The following USP25 variants were observed in gnomAD, a reference collection of about 807,000 sequenced individuals.
The protein encoded by USP25 is ubiquitin specific peptidase 25.
USP25 carries 85 observed loss-of-function variants against 158.5 expected under a neutral mutation model. The ratio of observed to expected loss-of-function variants is 0.54; its 90% CI spans 0.45 to 0.64. The LOEUF (loss-of-function observed/expected upper bound fraction) is 0.64, where lower values mean the gene tolerates loss of function less well. USP25 is among the 30% of genes least tolerant of loss of function. The probability of loss-of-function intolerance (pLI) is 0.00; values close to 1 mark genes in which losing one functional copy is unlikely to be tolerated. For missense variants in USP25, 1,242 were observed against 1,327.3 expected (o/e 0.94, Z 1.00); for synonymous variants, 464 against 460.4 (o/e 1.01, Z -0.10).
chr21:15,870,599 ATTATT>A (rs925792286), intron 23 of USP25, among the ~76,000 whole-genome samples: 1 of 152,152 alleles, frequency 6.6e-6, no homozygotes, highest in African/African-American at 2.4e-5. Flanking sequence ...TAATTATACT[ATTATT>A]TTAATTGTTA....
At chr21:15,845,665 A>G (rs2038549581) in intron 18 of USP25, among the ~76,000 whole-genome samples, 1 of 152,136 alleles carries the variant, frequency 6.6e-6, no homozygotes, top group South Asian at 2.1e-4. Flanking sequence ...CATTTGCTTC[A>G]AATTTATATT....
In USP25 at chr21:15,760,578, G is replaced by A. The variant is rs183660303; in HGVS notation, c.46-2313G>A. ...ATCTCTTAAACCTTTCATGTAATTT[G>A]TTTAGGACTTTTTAGACTTCTGAAA... On this transcript the variant is annotated intron_variant, in intron 1 of 25. Transcript: ENST00000400183. Among the ~76,000 whole-genome samples the A allele has an allele frequency of 4.6e-5, 7 of 152,250 alleles. No individual in the cohort carries two copies. In the East Asian group the frequency reaches 7.7e-4, roughly 17 times the overall value.
At chr21:15,805,962 A>G (rs2036367139) in intron 7 of USP25, among the ~76,000 whole-genome samples, 1 of 152,176 alleles carries the variant, frequency 6.6e-6, no homozygotes. Context: ...ATGTATGGAG[A>G]GGGCGTTTGG....
chr21:15,783,290 T>C (rs1013622364), intron 4 of USP25, among the ~76,000 whole-genome samples: 8 of 152,214 alleles, frequency 5.3e-5, no homozygotes, highest in Non-Finnish European at 1.0e-4. Context: ...ATTCATATTA[T>C]GGGAGTGCCA....
chr21:15,806,253 G>A (rs1166595928), intron 7 of USP25, among the ~76,000 whole-genome samples: 1 of 151,776 alleles, frequency 6.6e-6, no homozygotes, highest in African/African-American at 2.4e-5. Flanking sequence ...ATCATTTTCG[G>A]GCATTCAGCA....
intron 1 of USP25, among the ~76,000 whole-genome samples, chr21:15,731,621 A>T (rs888388363): frequency 2.6e-5 from 4 of 152,248 alleles, no homozygotes; most frequent in Non-Finnish European, 5.9e-5. Context: ...GAAAGCAAGG[A>T]TAGTGCATTG....
intron 20 of USP25, among the ~76,000 whole-genome samples, chr21:15,856,673 G>A (rs942209346): frequency 2.0e-5 from 3 of 151,940 alleles, no homozygotes; most frequent in African/African-American, 4.8e-5. Context: ...GGGTTTCACC[G>A]TGTTAGCCAG....
intron 10 of USP25, among the ~76,000 whole-genome samples, chr21:15,821,405 C>T (rs1411384803): frequency 6.6e-6 from 1 of 151,866 alleles, no homozygotes; most frequent in East Asian, 1.9e-4. Context: ...AATACCCTTG[C>T]GCACTTAGGA....
chr21:15,763,015 T>A (rs2033824282), intron 2 of USP25, 47 bp downstream of exon 2: 1 of 1,520,464 alleles, frequency 6.6e-7, no homozygotes, highest in Admixed American at 2.0e-5. Context: ...TATGCTCATC[T>A]CTAGTGCGTA....
chr21:15,816,910 T>A lies in USP25; in HGVS notation c.932-1788T>A, dbSNP rs913708202. On this transcript the variant is annotated intron_variant, in intron 9 of 25. Transcript: ENST00000400183. The surrounding 1 kb of genome is among the most constrained non-coding windows in gnomAD (Gnocchi z 4.0). ...ACTTTGGGAGGCTGAGGCAGGTGGATCACTTGAGGTCAGGAGTTCGAGACC... is the reference window on the plus strand; with the variant it reads ...ACTTTGGGAGGCTGAGGCAGGTGGAACACTTGAGGTCAGGAGTTCGAGACC... Among the ~76,000 whole-genome samples, 3 of 152,070 alleles carry A rather than the reference T, an allele frequency of 2.0e-5. No individual in the cohort carries two copies. Among genetic ancestry groups the A allele is most frequent in the African/African-American group, 4.8e-5 (2 of 41,396 alleles).
At chr21:15,795,364 TA>T (rs1168772430) in intron 5 of USP25, among the ~76,000 whole-genome samples, 2 of 151,720 alleles carry the variant, frequency 1.3e-5, no homozygotes, top group Non-Finnish European at 3.0e-5. Context: ...CCCTATTTTC[TA>T]TATACTTTAA....
At chr21:15,757,211 G>A (rs1005850231) in intron 1 of USP25, among the ~76,000 whole-genome samples, 1 of 152,172 alleles carries the variant, frequency 6.6e-6, no homozygotes, top group African/African-American at 2.4e-5. Context: ...CTTTGCAAAT[G>A]AGGTGGCTTC....
At chr21:15,742,030 C>G (rs1464779852) in intron 1 of USP25, among the ~76,000 whole-genome samples, 1 of 151,448 alleles carries the variant, frequency 6.6e-6, no homozygotes, top group African/African-American at 2.4e-5. Flanking sequence ...TTGAAAAGAA[C>G]ATAGTGCAGT....
At chr21:15,860,181 C>G (rs2039362834) in intron 20 of USP25, among the ~76,000 whole-genome samples, 1 of 151,856 alleles carries the variant, frequency 6.6e-6, no homozygotes, top group Non-Finnish European at 1.5e-5. Flanking sequence ...GAGACGGAGT[C>G]TCACACTGTT....
chr21:15,833,779 T>C (rs1188105781), intron 17 of USP25, among the ~76,000 whole-genome samples: 3 of 152,194 alleles, frequency 2.0e-5, no homozygotes, highest in Non-Finnish European at 4.4e-5. Flanking sequence ...CTGTTGACTT[T>C]CCCTCTACCT....
chr21:15,874,899 G>A (rs1414023285), intron 24 of USP25, among the ~76,000 whole-genome samples: 2 of 152,204 alleles, frequency 1.3e-5, no homozygotes, highest in Non-Finnish European at 2.9e-5. Context: ...TGGCGCAGCA[G>A]CTCATGCCTG....
intron 4 of USP25, among the ~76,000 whole-genome samples, chr21:15,784,953 T>C (rs1038923347): frequency 3.3e-5 from 5 of 149,856 alleles, no homozygotes; most frequent in African/African-American, 1.2e-4. Context: ...TTAAAAAATA[T>C]AGAGCAGCTG....
intron 3 of USP25, among the ~76,000 whole-genome samples, chr21:15,771,347 C>G (rs1401570535): frequency 7.7e-6 from 1 of 129,474 alleles, no homozygotes; most frequent in Non-Finnish European, 1.7e-5. Flanking sequence ...CATAGACAAA[C>G]AAGTGATGGG....
chr21:15,828,859 A>T (rs1313698567), intron 14 of USP25, among the ~76,000 whole-genome samples: 1 of 152,068 alleles, frequency 6.6e-6, no homozygotes, highest in South Asian at 2.1e-4. Context: ...GGGTGGTCTC[A>T]ATCTCTTGAC....
Sources: allele counts gnomAD v4.1 joint callset (sites outside exome capture counted in the v4.1 genomes callset), GRCh38; gene constraint gnomAD v4.1.1; non-coding constraint Gnocchi (gnomAD v3.1); transcripts MANE v1.5; gene names NCBI Gene and HGNC (gene_info 2026-07-23, HGNC 2026-07-21).